The following MON2 variants were observed in gnomAD, a reference collection of about 807,000 sequenced individuals.
MON2 encodes the protein protein MON2 homolog.
A neutral mutation model predicts 208.6 loss-of-function variants in MON2; 84 were observed. The observed-to-expected ratio is 0.40, with a 90% CI of 0.34 to 0.48. The LOEUF is 0.48. Among genes scored for constraint, MON2 ranks in the 20% least tolerant of loss-of-function variants. The pLI is 0.59. For missense variants in MON2, 1,611 were observed against 2,015.4 expected, an observed-to-expected ratio of 0.80 and a Z score of 3.84; for synonymous variants, 660 against 694.0, an observed-to-expected ratio of 0.95 and a Z score of 0.77.
chr12:62,530,601 G>A (rs1039435700), intron 11 of MON2, among the ~76,000 whole-genome samples: 2 of 152,136 alleles, frequency 1.3e-5, no homozygotes, highest in African/African-American at 2.4e-5. Context: ...ATGTCTGAAT[G>A]ATATTCCAAT....
At chr12:62,540,441 A>C (rs995898484) in intron 19 of MON2, among the ~76,000 whole-genome samples, 1 of 152,192 alleles carries the variant, frequency 6.6e-6, no homozygotes, top group African/African-American at 2.4e-5. Flanking sequence ...GTGATTGGAG[A>C]TGTATATTGA....
At chr12:62,503,918 ATC>A (rs1402546523) in intron 7 of MON2, among the ~76,000 whole-genome samples, 1 of 151,784 alleles carries the variant, frequency 6.6e-6, no homozygotes, top group African/African-American at 2.4e-5. Context: ...TATCTTTCTT[ATC>A]TCTCTTTTTC....
chr12:62,467,093 A>C lies in MON2; in HGVS notation c.-115A>C. On this transcript the variant is annotated 5_prime_UTR_variant, in exon 1 of 35. Transcript: ENST00000393630. ...CGGGTTCGCAGCCCAGGGCCCAAGA[A>C]GCGGGCTGCTGAAGGACCAGAGACA... 1 of 794,974 alleles carries C rather than the reference A, an allele frequency of 1.3e-6. No homozygotes were observed. The highest frequency in any genetic ancestry group is 2.0e-6 in the Non-Finnish European group (1 of 488,334). The allele number at this position is 794,974 out of a possible 1,614,324, so 49.2% of individuals were successfully genotyped here.
intron 29 of MON2, among the ~76,000 whole-genome samples, chr12:62,569,741 C>T (rs1013113379): frequency 6.6e-6 from 1 of 152,090 alleles, no homozygotes; most frequent in Non-Finnish European, 1.5e-5. Flanking sequence ...AATTCCCAAA[C>T]TGGAAGTAGG....
intron 4 of MON2, among the ~76,000 whole-genome samples, chr12:62,497,070 C>T (rs920179381): frequency 2.1e-5 from 3 of 141,116 alleles, no homozygotes; most frequent in African/African-American, 8.1e-5. Flanking sequence ...AAAAACCAAA[C>T]ACCGCATATT....
rs1003476037 is a variant in MON2, at chr12:62,560,627, A to G, written c.3546A>G (p.Ser1182=). ...AGATTGTGTCCCCTGTCAGAGACTC[A>G]GATAAGCCTGAGACACCACCTGTAG... is the stretch of plus-strand genomic sequence containing the variant. ...ILQIVSPVRD[S]DKPETPPVVN... The change falls in exon 26 of 35, where the codon TCA becomes TCG. Residue 1182 remains serine (S), a synonymous_variant. Coordinates refer to ENST00000393630, the MANE Select transcript of MON2 (RefSeq NM_015026.3). 4.3e-6 allele frequency: 7 copies of G among 1,613,988 alleles called. No homozygotes were observed. In the Admixed American group the frequency reaches 1.0e-4, roughly 23 times the overall value.
intron 30 of MON2, among the ~76,000 whole-genome samples, chr12:62,573,558 T>C (rs537234386): frequency 6.6e-6 from 1 of 151,678 alleles, no homozygotes; most frequent in African/African-American, 2.4e-5. Context: ...AGATCCTGTA[T>C]ATAAAAAAAA....
At chr12:62,558,607 A>C (rs2074083638) in intron 25 of MON2, among the ~76,000 whole-genome samples, 1 of 152,058 alleles carries the variant, frequency 6.6e-6, no homozygotes, top group South Asian at 2.1e-4. Flanking sequence ...ATTGTTTGAC[A>C]TTTTAAAATG....
At chr12:62,507,402 A>G (rs569056450) in intron 7 of MON2, among the ~76,000 whole-genome samples, 6 of 149,610 alleles carry the variant, frequency 4.0e-5, no homozygotes, top group South Asian at 2.1e-4. Flanking sequence ...TGCAGCCTCA[A>G]CCTCCCTGGG....
intron 1 of MON2, among the ~76,000 whole-genome samples, chr12:62,468,435 T>G (rs1036987721): frequency 4.6e-5 from 7 of 152,210 alleles, no homozygotes; most frequent in African/African-American, 7.2e-5. Flanking sequence ...TTTACATACT[T>G]ATTTAAATAT....
chr12:62,598,780 A>C lies in MON2; in HGVS notation c.*6031A>C, dbSNP rs1413422766. The C allele has an allele frequency of 6.6e-6, 1 of 152,118 alleles. No individual in the cohort carries two copies. Among genetic ancestry groups the C allele is most frequent in the Non-Finnish European group, 1.5e-5 (1 of 68,002 alleles). The allele number at this position is 152,118 out of a possible 1,614,324, so 9.4% of individuals were successfully genotyped here. A position where few individuals can be genotyped will look rare whatever the true frequency, so the allele number is the denominator to read the frequency against. On this transcript the variant is annotated 3_prime_UTR_variant, in exon 35 of 35. Transcript: ENST00000393630. The stretch of plus-strand genomic sequence containing the variant: ...TGAAATTGTATTGGCCTCAAACCCA[A>C]ATTTTCTTTGTAGTCTAGGATAGAT...
intron 8 of MON2, among the ~76,000 whole-genome samples, chr12:62,519,457 G>T (rs142621010): frequency 9.7e-4 from 148 of 152,226 alleles, no homozygotes; most frequent in African/African-American, 3.4e-3. Context: ...ATATTTAGGA[G>T]CTTTTGTGCA....
At chr12:62,544,797 T>C (rs575550887) in intron 20 of MON2, 101 bp from the exon 21 acceptor site, 1 of 1,545,928 alleles carries the variant, frequency 6.5e-7, no homozygotes, top group South Asian at 1.2e-5. Flanking sequence ...TGGGTGTAAT[T>C]TTTCTTCCAA....
At chr12:62,522,643 G>A (rs1008085311) in intron 8 of MON2, among the ~76,000 whole-genome samples, 4 of 152,074 alleles carry the variant, frequency 2.6e-5, no homozygotes, top group Non-Finnish European at 5.9e-5. Context: ...CACAAAAATT[G>A]GATTTATACC....
intron 8 of MON2, among the ~76,000 whole-genome samples, chr12:62,520,636 T>TA (rs942036725): frequency 2.2e-4 from 33 of 151,774 alleles, no homozygotes; most frequent in Non-Finnish European, 4.3e-4. Flanking sequence ...CAAGGAACAT[T>TA]AAAAAGGCAT....
intron 31 of MON2, among the ~76,000 whole-genome samples, chr12:62,579,653 G>A (rs2074932442): frequency 1.3e-5 from 2 of 152,136 alleles, no homozygotes; most frequent in Admixed American, 1.3e-4. Flanking sequence ...GTGAGCCTGG[G>A]AGGCGGAGCT....
intron 7 of MON2, among the ~76,000 whole-genome samples, chr12:62,502,955 A>G (rs1174199695): frequency 1.3e-5 from 2 of 152,176 alleles, no homozygotes; most frequent in African/African-American, 2.4e-5. Flanking sequence ...TTTGGTATAC[A>G]TTAGGCAGTT....
chr12:62,559,426 G>T (rs2074114548), intron 25 of MON2, among the ~76,000 whole-genome samples: 1 of 152,074 alleles, frequency 6.6e-6, no homozygotes, highest in Non-Finnish European at 1.5e-5. Flanking sequence ...GAAGACTGAG[G>T]CAGGAGGATT....
At chr12:62,573,971 A>C (rs1476094295) in intron 30 of MON2, among the ~76,000 whole-genome samples, 1 of 152,230 alleles carries the variant, frequency 6.6e-6, no homozygotes, top group African/African-American at 2.4e-5. Context: ...CTTAAGAAGC[A>C]GCCAGCATAG....
Sources: gnomAD v4.1 joint callset for allele counts (sites outside exome capture counted in the v4.1 genomes callset) on GRCh38, gnomAD v4.1.1 for gene constraint, MANE v1.5 for transcripts, NCBI Gene and HGNC (gene_info 2026-07-23, HGNC 2026-07-21) for gene names.